The following DNAAF9 variants were observed in gnomAD, a reference collection of about 807,000 sequenced individuals.
DNAAF9 encodes the protein shulin.
Under a neutral mutation model 167.0 loss-of-function variants are expected in DNAAF9, and 90 were observed. The ratio of observed to expected loss-of-function variants is 0.54; its 90% CI spans 0.45 to 0.64. DNAAF9 has a LOEUF of 0.64. Among genes scored for constraint, DNAAF9 ranks in the 30% least tolerant of loss-of-function variants. The pLI is 0.00. For synonymous variants in DNAAF9, 491 were observed against 508.8 expected, an observed-to-expected ratio of 0.96 and a Z score of 0.47; for missense variants, 1,315 against 1,442.2, an observed-to-expected ratio of 0.91 and a Z score of 1.43.
At chr20:3,362,105 T>C in intron 6 of DNAAF9, 7 of 1,384,698 alleles carry the variant, frequency 5.1e-6, no homozygotes, top group South Asian at 3.7e-5. Flanking sequence ...TCTGAGTATT[T>C]AGGTCCATAT....
In DNAAF9 at chr20:3,260,036, G is replaced by A; in HGVS notation, c.2874-8C>T. 1.3e-6 allele frequency: 2 copies of A among 1,566,514 alleles called. No homozygotes were observed. The highest frequency in any genetic ancestry group is 1.1e-5 in the South Asian group (1 of 90,118). ...TTCAATTTACCTTCATACCTTAAAA[G>A]GTTTAAAAAATTTTAAGTACAGGCC... On this transcript the variant is annotated splice_polypyrimidine_tract_variant and splice_region_variant and intron_variant, in intron 31 of 36. Coordinates refer to ENST00000252032, the MANE Select transcript of DNAAF9 (RefSeq NM_001009984.3).
In DNAAF9 at chr20:3,315,245, T is replaced by C. The variant is rs548686327; in HGVS notation, c.1591-125A>G. 514 of 674,432 alleles carry C rather than the reference T, an allele frequency of 7.6e-4. 5 individuals are homozygous for C. In the South Asian group the frequency reaches 8.3e-3, roughly 11 times the overall value. 41.8% of individuals were successfully genotyped at this position (674,432 alleles called of 1,614,324 possible). A position where few individuals can be genotyped will look rare whatever the true frequency, so the allele number is the denominator to read the frequency against. On this transcript the variant is annotated intron_variant, in intron 19 of 36. Transcript: ENST00000252032. This position sits in a 1 kb window ranked among gnomAD's most constrained non-coding sequence, Gnocchi z 4.1. The stretch of plus-strand genomic sequence containing the variant: ...ACAAAAGCTGAGTCAGGCTCAGATA[T>C]GCCCAATGTATTCCATGGCCTTTGG...
intron 20 of DNAAF9, among the ~76,000 whole-genome samples, chr20:3,311,837 G>A (rs895605113): frequency 2.6e-5 from 4 of 152,170 alleles, no homozygotes; most frequent in Non-Finnish European, 5.9e-5. Flanking sequence ...ACAGCAGGGC[G>A]GGGAAGAGAA....
intron 1 of DNAAF9, among the ~76,000 whole-genome samples, chr20:3,402,294 T>C (rs1199293223): frequency 6.6e-6 from 1 of 152,194 alleles, no homozygotes. Flanking sequence ...TATGTATTTG[T>C]GTACCTGATG....
At chr20:3,359,731 A>T in intron 6 of DNAAF9, 138 bp from the exon 7 acceptor site, 1 of 620,938 alleles carries the variant, frequency 1.6e-6, no homozygotes, top group Non-Finnish European at 2.8e-6. Flanking sequence ...TTTATCAATT[A>T]TATTTGCCCT....
At chr20:3,300,620 TA>T (rs938369493) in intron 21 of DNAAF9, among the ~76,000 whole-genome samples, 4 of 150,222 alleles carry the variant, frequency 2.7e-5, no homozygotes, top group African/African-American at 4.9e-5. Context: ...CTCACTAATT[TA>T]AAAAATTTTT....
Position 3,298,093 on chromosome 20 carries a change from G to A in DNAAF9, c.1865C>T (p.Ser622Leu). The change falls in exon 22 of 37, where the codon TCA becomes TTA. Residue 622 changes from serine to leucine, a missense_variant. Physicochemically the swap from Ser to Leu is moderately radical, Grantham distance 145. Transcript: ENST00000252032. ...LPHLPVHFHG[S>L]SNFLMIALFP... ...AAGGGCAATCATCAGAAAATTGCTT[G>A]ATCCATGGAAATGAACTGGGAGGTG... 4 of 1,612,416 alleles carry A rather than the reference G, an allele frequency of 2.5e-6. No individual in the cohort carries two copies. Among genetic ancestry groups the A allele is most frequent in the East Asian group, 2.2e-5 (1 of 44,860 alleles).
Position 3,332,379 on chromosome 20 carries a change from A to T in DNAAF9, c.982-18T>A. Reference sequence around the variant, plus strand: ...TGGGCTACCTGGATGTCAGAAAAAAATAAAAATAAAAAGGGGCAATAACTT... The same window carrying T: ...TGGGCTACCTGGATGTCAGAAAAAATTAAAAATAAAAAGGGGCAATAACTT... On this transcript the variant is annotated intron_variant, in intron 10 of 36. Transcript: ENST00000252032. 7.1e-7 allele frequency: 1 copy of T among 1,416,982 alleles called. No homozygotes were observed. Among genetic ancestry groups the T allele is most frequent in the Non-Finnish European group, 1.0e-6 (1 of 1,001,672 alleles). The allele number at this position is 1,416,982 out of a possible 1,614,324, so 87.8% of individuals were successfully genotyped here.
Position 3,394,949 on chromosome 20 carries a change from C to CTTTTTTTTTTT in DNAAF9, c.84-12454_84-12444dup, listed in dbSNP as rs10522445. Among the ~76,000 whole-genome samples, 143 of 102,108 alleles carry CTTTTTTTTTTT rather than the reference C, an allele frequency of 1.4e-3. 9 individuals are homozygous for CTTTTTTTTTTT. Among genetic ancestry groups the CTTTTTTTTTTT allele is most frequent in the Non-Finnish European group, 2.1e-3 (110 of 52,750 alleles). 67.0% of individuals were successfully genotyped at this position (102,108 alleles called of 152,430 possible). The stretch of plus-strand genomic sequence containing the variant: ...GCTTTTACTGAACATTTTCTTTTTT[C>CTTTTTTTTTTT]TTTTTTTTTTTTTTTTTTTTTTTTT... On this transcript the variant is annotated intron_variant, in intron 1 of 36. Coordinates refer to ENST00000252032, the MANE Select transcript of DNAAF9 (RefSeq NM_001009984.3).
chr20:3,376,702 T>C (rs1424627655), intron 3 of DNAAF9, among the ~76,000 whole-genome samples: 1 of 152,200 alleles, frequency 6.6e-6, no homozygotes, highest in African/African-American at 2.4e-5. Context: ...TCCTTTCGTG[T>C]CATATAGGTG....
At chr20:3,266,423 A>C (rs1028392157) in intron 30 of DNAAF9, among the ~76,000 whole-genome samples, 4 of 152,150 alleles carry the variant, frequency 2.6e-5, no homozygotes, top group Non-Finnish European at 5.9e-5. Flanking sequence ...CCCTAAATCA[A>C]ATACTGTATT....
Position 3,376,239 on chromosome 20 carries a change from T to C in DNAAF9, c.347A>G (p.Tyr116Cys), listed in dbSNP as rs140971067. Residue 116 changes from tyrosine (Y) to cysteine (C), a missense_variant, in exon 4 of 37, where the codon TAT becomes TGT. Tyr to Cys is a radical substitution (Grantham distance 194). This residue lies in a region of DNAAF9 where 981 missense variants were observed against 1,012.5 expected (regional missense o/e 0.97). Coordinates refer to ENST00000252032, the MANE Select transcript of DNAAF9 (RefSeq NM_001009984.3). ...HLYCNPVNFR[Y>C]LLPYVAHWRN... ...CCAATGTGCCACATAAGGTAAGAGA[T>C]AGCGAAAGTTTACAGGATTACAGTA... The C allele has an allele frequency of 2.4e-3, 3,932 of 1,613,394 alleles. 4 individuals carry two copies. Among genetic ancestry groups the C allele is most frequent in the Middle Eastern group, 7.9e-3 (48 of 6,060 alleles).
At chr20:3,386,825 A>G (rs1411369656) in intron 1 of DNAAF9, among the ~76,000 whole-genome samples, 1 of 152,204 alleles carries the variant, frequency 6.6e-6, no homozygotes, top group Non-Finnish European at 1.5e-5. Flanking sequence ...TTTGTCAAAG[A>G]GGATACAGAA....
At chr20:3,380,896 C>T (rs904949562) in intron 3 of DNAAF9, among the ~76,000 whole-genome samples, 5 of 152,210 alleles carry the variant, frequency 3.3e-5, no homozygotes, top group African/African-American at 1.2e-4. Context: ...TAGTCACAGG[C>T]ATCTTCATGA....
At chr20:3,318,187 T>C (rs1443430704) in intron 17 of DNAAF9, 102 bp downstream of exon 17, 13 of 612,490 alleles carry the variant, frequency 2.1e-5, no homozygotes, top group South Asian at 2.1e-4. Context: ...CTAATATTTT[T>C]ACCAGTTTAT....
At chr20:3,349,201 AAAC>A (rs1427670060) in intron 7 of DNAAF9, among the ~76,000 whole-genome samples, 6 of 143,230 alleles carry the variant, frequency 4.2e-5, no homozygotes, top group Non-Finnish European at 7.6e-5. Flanking sequence ...CCAAAAAAAA[AAAC>A]AAAAAAAAAA....
chr20:3,337,268 G>GTTT (rs112275744), intron 10 of DNAAF9, among the ~76,000 whole-genome samples: 2 of 131,476 alleles, frequency 1.5e-5, no homozygotes, highest in African/African-American at 2.8e-5. Flanking sequence ...CACTGAAGTT[G>GTTT]TTTTTTTTTT....
chr20:3,314,923 C>T (rs905446193), intron 20 of DNAAF9, 110 bp downstream of exon 20: 12 of 699,870 alleles, frequency 1.7e-5, no homozygotes, highest in South Asian at 3.5e-5. Context: ...CATTTCTGTA[C>T]CACAATTGTG....
intron 20 of DNAAF9, among the ~76,000 whole-genome samples, chr20:3,313,843 G>A (rs553851419): frequency 6.6e-6 from 1 of 152,270 alleles, no homozygotes; most frequent in East Asian, 1.9e-4. Context: ...AAGCTCAGAG[G>A]GTGGAGCCAT....
Sources: gnomAD v4.1 joint callset for allele counts (sites outside exome capture counted in the v4.1 genomes callset) on GRCh38, gnomAD v4.1.1 for gene constraint, gnomAD v4.1.1 regional missense constraint, Gnocchi (gnomAD v3.1) non-coding constraint, MANE v1.5 for transcripts, NCBI Gene and HGNC (gene_info 2026-07-23, HGNC 2026-07-21) for gene names.